GLIPR1L2: variants seen among roughly 807,000 people sequenced by gnomAD.
GLIPR1L2 encodes the protein GLIPR1-like protein 2.
In GLIPR1L2, 21 loss-of-function variants were observed where a neutral mutation model predicts 28.4. The observed-to-expected ratio is 0.74, with a 90% CI of 0.52 to 1.06. The LOEUF (loss-of-function observed/expected upper bound fraction) is 1.06. Among genes scored for constraint, GLIPR1L2 ranks in the 50% least tolerant of loss-of-function variants. GLIPR1L2 has a pLI of 0.00. For missense variants in GLIPR1L2, 476 were observed against 416.9 expected, an observed-to-expected ratio of 1.14 and a Z score of -1.23; for synonymous variants, 145 against 139.3, an observed-to-expected ratio of 1.04 and a Z score of -0.29.
intron 3 of GLIPR1L2, among the ~76,000 whole-genome samples, chr12:75,414,088 A>T (rs2045900472): frequency 6.6e-6 from 1 of 152,030 alleles, no homozygotes; most frequent in Non-Finnish European, 1.5e-5. Context: ...CATGAAGAAC[A>T]CTTTTAATTG....
At chr12:75,422,338 C>T (rs1418813758) in intron 3 of GLIPR1L2, among the ~76,000 whole-genome samples, 1 of 149,312 alleles carries the variant, frequency 6.7e-6, no homozygotes, top group African/African-American at 2.5e-5. Context: ...GAGTCTCACT[C>T]TGTTGCCCAG....
chr12:75,429,938 C>CTTTTTTTTTTTTTT (rs34354324), intron 4 of GLIPR1L2, among the ~76,000 whole-genome samples: 6 of 128,656 alleles, frequency 4.7e-5, no homozygotes, highest in Non-Finnish European at 6.3e-5. Flanking sequence ...TCTTTTCTTT[C>CTTTTTTTTTTTTTT]TTTTTTTTTT....
rs1377842421 is a variant in GLIPR1L2 at position 75,413,699 on chromosome 12, A to G, written c.582A>G (p.Pro194=). Residue 194 remains proline, a splice_region_variant and synonymous_variant, in exon 3 of 6, where the codon CCA becomes CCG. Transcript: ENST00000550916. ...CAATTTTCATATGCAACTATGCGCC[A>G]GGGTAAGTTACTTAAAATTAATAAA... The part of the protein sequence containing the change: ...HAAIFICNYA[P]GGTLTRRPYE... 4 of 1,383,056 alleles carry G rather than the reference A, an allele frequency of 2.9e-6. No homozygotes were observed. Among genetic ancestry groups the G allele is most frequent in the Non-Finnish European group, 3.9e-6 (4 of 1,033,176 alleles). The allele number at this position is 1,383,056 out of a possible 1,614,324, so 85.7% of individuals were successfully genotyped here.
In GLIPR1L2 at chr12:75,431,024, G is replaced by T. The variant is rs1212887074; in HGVS notation, c.898G>T (p.Glu300Ter). 23 of 1,529,196 alleles carry T rather than the reference G, an allele frequency of 1.5e-5. No individual in the cohort carries two copies. Among genetic ancestry groups the T allele is most frequent in the Admixed American group, 3.9e-5 (2 of 50,936 alleles). The allele number at this position is 1,529,196 out of a possible 1,614,324, so 94.7% of individuals were successfully genotyped here. A position where few individuals can be genotyped will look rare whatever the true frequency, so the allele number is the denominator to read the frequency against. ...TGAGGAATCTGAAGCAGGGAATGAA[G>T]AGGAGGAAAAAGAGGAAGAGAAGAA... ...TPEESEAGNE[E>*]EEKEEEKKEK... Residue 300 changes from glutamate to a stop codon, truncating the protein, a stop_gained, in exon 6 of 6, where the codon GAG becomes TAG. Transcript: ENST00000550916. LOFTEE classifies it low-confidence loss of function (END_TRUNC).
intron 4 of GLIPR1L2, among the ~76,000 whole-genome samples, chr12:75,427,937 T>A (rs541690513): frequency 6.6e-6 from 1 of 152,314 alleles, no homozygotes; most frequent in African/African-American, 2.4e-5. Flanking sequence ...TTGTAAATTA[T>A]CCAGTCTCAG....
At chr12:75,405,639 G>GT (rs2045789883) in intron 1 of GLIPR1L2, among the ~76,000 whole-genome samples, 1 of 111,258 alleles carries the variant, frequency 9.0e-6, no homozygotes, top group Non-Finnish European at 2.1e-5. Context: ...AGCAGACGCA[G>GT]TTTGTCAGTT....
At chr12:75,412,323 T>TA (rs1380039634) in intron 2 of GLIPR1L2, among the ~76,000 whole-genome samples, 1 of 151,834 alleles carries the variant, frequency 6.6e-6, no homozygotes, top group East Asian at 1.9e-4. Flanking sequence ...AAACAGTTCT[T>TA]ACAAGCTAAA....
At chr12:75,400,568 A>G (rs557432216) in intron 1 of GLIPR1L2, among the ~76,000 whole-genome samples, 1 of 152,358 alleles carries the variant, frequency 6.6e-6, no homozygotes, top group African/African-American at 2.4e-5. Context: ...TTAGTTACTT[A>G]TAGAAGTCCT....
Position 75,413,628 on chromosome 12 carries a change from T to C in GLIPR1L2, c.511T>C (p.Cys171Arg). The C allele has an allele frequency of 1.9e-6, 3 of 1,566,076 alleles. No homozygotes were observed. The highest frequency in any genetic ancestry group is 2.6e-6 in the Non-Finnish European group (3 of 1,160,922). Residue 171 changes from cysteine to arginine, a missense_variant, in exon 3 of 6, where the codon TGT becomes CGT. Physicochemically the swap from Cys to Arg is radical, Grantham distance 180. Coordinates refer to ENST00000550916, the MANE Select transcript of GLIPR1L2 (RefSeq NM_001270396.2). The part of the protein sequence containing the change: ...LVWDHSYKVG[C>R]AVTPCSKIGH... Reference sequence around the variant, plus strand: ...TTGGGACCACTCTTACAAAGTTGGTTGTGCTGTTACTCCATGTTCAAAAAT... The same window carrying C: ...TTGGGACCACTCTTACAAAGTTGGTCGTGCTGTTACTCCATGTTCAAAAAT...
At chr12:75,411,839 G>A (rs1356372955) in intron 2 of GLIPR1L2, among the ~76,000 whole-genome samples, 2 of 151,890 alleles carry the variant, frequency 1.3e-5, no homozygotes, top group Non-Finnish European at 2.9e-5. Flanking sequence ...CCTCTTTCTT[G>A]CACAGAGGTT....
At chr12:75,409,565 G>A (rs201804369) in intron 1 of GLIPR1L2, among the ~76,000 whole-genome samples, 5 of 143,428 alleles carry the variant, frequency 3.5e-5, no homozygotes, top group Admixed American at 7.1e-5. Context: ...GGGTGTGTGT[G>A]TATATATATA....
intron 1 of GLIPR1L2, among the ~76,000 whole-genome samples, chr12:75,405,671 C>T (rs1329741749): frequency 6.6e-6 from 1 of 152,036 alleles, no homozygotes; most frequent in East Asian, 1.9e-4. Context: ...CAGCAACCCA[C>T]TTTCATGAGA....
chr12:75,405,982 A>G (rs1291815986), intron 1 of GLIPR1L2, among the ~76,000 whole-genome samples: 1 of 150,454 alleles, frequency 6.6e-6, no homozygotes, highest in African/African-American at 2.5e-5. Context: ...GCTCTTAATA[A>G]GAAATTGTCA....
Position 75,431,551 on chromosome 12 carries a change from G to T in GLIPR1L2, c.*390G>T. On this transcript the variant is annotated 3_prime_UTR_variant, in exon 6 of 6. Coordinates refer to ENST00000550916, the MANE Select transcript of GLIPR1L2 (RefSeq NM_001270396.2). The stretch of plus-strand genomic sequence containing the variant: ...AGTAAGGTGCTTAAGATCATTCCAA[G>T]TTCATAACAACCATTGAATAAAATT... The T allele has an allele frequency of 6.2e-6, 1 of 160,402 alleles. No homozygotes were observed. The highest frequency in any genetic ancestry group is 1.4e-5 in the Non-Finnish European group (1 of 73,566). 9.9% of individuals were successfully genotyped at this position (160,402 alleles called of 1,614,324 possible).
In GLIPR1L2 at chr12:75,431,477, G is replaced by T. The variant is rs2046092618; in HGVS notation, c.*316G>T. 4.5e-6 allele frequency: 1 copy of T among 220,562 alleles called. No homozygotes were observed. The highest frequency in any genetic ancestry group is 5.5e-5 in the Admixed American group (1 of 18,338). 13.7% of individuals were successfully genotyped at this position (220,562 alleles called of 1,614,324 possible). On this transcript the variant is annotated 3_prime_UTR_variant, in exon 6 of 6. Transcript: ENST00000550916. ...GATTTCACCATGTTATTCTAATAAA[G>T]TAGGGAATTTTCATTTTCTAAACAT...
In GLIPR1L2 at chr12:75,410,538, T is replaced by A. The variant is rs954587676; in HGVS notation, c.339T>A (p.Phe113Leu). The A allele has an allele frequency of 2.5e-6, 4 of 1,612,382 alleles. No individual in the cohort carries two copies. Among genetic ancestry groups the A allele is most frequent in the Non-Finnish European group, 3.4e-6 (4 of 1,178,952 alleles). The change falls in exon 2 of 6, where the codon TTT becomes TTA. Residue 113 changes from phenylalanine to leucine, a missense_variant. Transcript: ENST00000550916. Reference protein sequence around the residue: ...LQDVQMVHPKFYGIGENMWVG... With the variant: ...LQDVQMVHPKLYGIGENMWVG... ...ATGTACAAATGGTCCATCCTAAATT[T>A]TATGGTATTGGTGAAAATATGTGGG... is the stretch of plus-strand genomic sequence containing the variant.
At chr12:75,424,002 A>G (rs973637123) in intron 4 of GLIPR1L2, 2 of 152,190 alleles carry the variant, frequency 1.3e-5, no homozygotes, top group Non-Finnish European at 2.9e-5. Context: ...AGTATTTGCT[A>G]TTGTGAACAG....
intron 1 of GLIPR1L2, chr12:75,402,921 T>C: frequency 4.5e-6 from 2 of 444,556 alleles, no homozygotes; most frequent in South Asian, 3.2e-5. Flanking sequence ...CCATTCTCTC[T>C]CCTCTAACAT....
At position 75,430,987 on chromosome 12, in the gene GLIPR1L2, G is replaced by A; in HGVS notation, c.861G>A (p.Met287Ile). 1 of 1,535,522 alleles carries A rather than the reference G, an allele frequency of 6.5e-7. No homozygotes were observed. The highest frequency in any genetic ancestry group is 8.7e-7 in the Non-Finnish European group (1 of 1,146,602). Residue 287 changes from methionine to isoleucine, a missense_variant, in exon 6 of 6, where the codon ATG becomes ATA. Transcript: ENST00000550916. Reference sequence around the variant, plus strand: ...CAAATATCTTGTTGGAACAACAAATGATATTTACCCCTGAGGAATCTGAAG... The same window carrying A: ...CAAATATCTTGTTGGAACAACAAATAATATTTACCCCTGAGGAATCTGAAG... ...QFPNILLEQQ[M>I]IFTPEESEAG... is the part of the protein sequence containing the mutation.
Sources: gnomAD v4.1 joint callset for allele counts (sites outside exome capture counted in the v4.1 genomes callset) on GRCh38, gnomAD v4.1.1 for gene constraint, MANE v1.5 for transcripts, NCBI Gene and HGNC (gene_info 2026-07-23, HGNC 2026-07-21) for gene names.